ADAMTSL1: variants seen among roughly 807,000 people sequenced by gnomAD.
ADAMTSL1 encodes ADAMTS-like protein 1.
In ADAMTSL1, 126 loss-of-function variants were observed where a neutral mutation model predicts 201.8. The ratio of observed to expected loss-of-function variants is 0.62; its 90% confidence interval spans 0.54 to 0.72. The LOEUF (loss-of-function observed/expected upper bound fraction) is 0.72. Ranked by LOEUF, ADAMTSL1 falls within the 30% of genes least tolerant of loss-of-function variation. The probability of loss-of-function intolerance (pLI) is 0.00; values close to 1 mark genes in which losing one functional copy is unlikely to be tolerated. For missense variants in ADAMTSL1, 2,679 were observed against 2,277.8 expected, an observed-to-expected ratio of 1.18 and a Z score of -3.59; for synonymous variants, 1,121 against 903.4, an observed-to-expected ratio of 1.24 and a Z score of -4.32.
At chr9:18,512,578 A>T (rs891831003) in intron 2 of ADAMTSL1, among the ~76,000 whole-genome samples, 2 of 152,150 alleles carry the variant, frequency 1.3e-5, no homozygotes, top group Admixed American at 6.5e-5. Context: ...ATAATTAAGG[A>T]TAGAAATCCC....
At chr9:17,907,869 C>T (rs1825785096) in intron 1 of ADAMTSL1, among the ~76,000 whole-genome samples, 1 of 152,102 alleles carries the variant, frequency 6.6e-6, no homozygotes, top group Non-Finnish European at 1.5e-5. Context: ...CATAGATTTG[C>T]CTTTCACAGG....
chr9:18,649,542 A>C (rs377431843), intron 7 of ADAMTSL1, among the ~76,000 whole-genome samples: 23 of 149,458 alleles, frequency 1.5e-4, no homozygotes, highest in Non-Finnish European at 2.7e-4. Flanking sequence ...GTCTTTGATG[A>C]TGGTGATGTA....
intron 1 of ADAMTSL1, among the ~76,000 whole-genome samples, chr9:17,947,659 A>C (rs1827561395): frequency 6.6e-6 from 1 of 152,142 alleles, no homozygotes; most frequent in Admixed American, 6.6e-5. Flanking sequence ...ATGAGCAAGC[A>C]AATGATTATT....
chr9:18,304,378 G>A (rs1833826400), intron 2 of ADAMTSL1, among the ~76,000 whole-genome samples: 1 of 152,058 alleles, frequency 6.6e-6, no homozygotes, highest in Non-Finnish European at 1.5e-5. Flanking sequence ...AACCTTGTGA[G>A]CTCCTGGGTG....
intron 2 of ADAMTSL1, among the ~76,000 whole-genome samples, chr9:18,230,222 A>C (rs1336171596): frequency 6.6e-6 from 1 of 152,040 alleles, no homozygotes; most frequent in African/African-American, 2.4e-5. Context: ...TCTGCTTGGC[A>C]CTCATCATAT....
At chr9:17,973,793 A>G in intron 1 of ADAMTSL1, among the ~76,000 whole-genome samples, 1 of 148,752 alleles carries the variant, frequency 6.7e-6, no homozygotes, top group South Asian at 2.2e-4. Context: ...CTTCCTACCA[A>G]TGAGCATGGA....
chr9:18,684,703 A>G lies in ADAMTSL1; in HGVS notation c.1490-13A>G, dbSNP rs1319797457. Reference sequence around the variant, plus strand: ...AACCTCTTCTTTTGTATGTGCATGCACTGAATTCTCAGAGAAACTTCCAGT... The same window carrying G: ...AACCTCTTCTTTTGTATGTGCATGCGCTGAATTCTCAGAGAAACTTCCAGT... On this transcript the variant is annotated splice_polypyrimidine_tract_variant and intron_variant, in intron 12 of 28. Coordinates refer to ENST00000380548, the MANE Select transcript of ADAMTSL1 (RefSeq NM_001040272.6). The G allele has an allele frequency of 6.2e-7, 1 of 1,611,622 alleles. No individual in the cohort carries two copies. Among genetic ancestry groups the G allele is most frequent in the East Asian group, 2.2e-5 (1 of 44,876 alleles).
intron 3 of ADAMTSL1, among the ~76,000 whole-genome samples, chr9:18,545,073 A>C (rs111378158): frequency 6.6e-6 from 1 of 152,188 alleles, no homozygotes; most frequent in East Asian, 1.9e-4. Context: ...GACTGATTAC[A>C]TACCTCAGAG....
chr9:18,287,945 AT>A (rs1833084919), intron 2 of ADAMTSL1, among the ~76,000 whole-genome samples: 1 of 152,192 alleles, frequency 6.6e-6, no homozygotes, highest in Non-Finnish European at 1.5e-5. Context: ...GCAAATTAAA[AT>A]GTACAGAACT....
chr9:18,091,215 G>GAA (rs1299242094), intron 1 of ADAMTSL1, among the ~76,000 whole-genome samples: 2 of 151,860 alleles, frequency 1.3e-5, no homozygotes, highest in Non-Finnish European at 2.9e-5. Context: ...TTCACTTTAA[G>GAA]CCAAGTTCCT....
At chr9:18,828,412 T>C (rs1187464002) in intron 22 of ADAMTSL1, among the ~76,000 whole-genome samples, 1 of 151,760 alleles carries the variant, frequency 6.6e-6, no homozygotes, top group Non-Finnish European at 1.5e-5. Context: ...CAAGAGGAAG[T>C]ATTGAGGAGG....
chr9:18,344,875 C>T (rs1002399481), intron 2 of ADAMTSL1, among the ~76,000 whole-genome samples: 5 of 152,128 alleles, frequency 3.3e-5, no homozygotes, highest in African/African-American at 1.2e-4. Context: ...GAAGGAAGCC[C>T]AGCAGGGGAC....
intron 2 of ADAMTSL1, among the ~76,000 whole-genome samples, chr9:18,176,384 A>G (rs1191374054): frequency 6.6e-6 from 1 of 152,192 alleles, no homozygotes; most frequent in Non-Finnish European, 1.5e-5. Flanking sequence ...TATTGATGCT[A>G]TAGTGATAAT....
chr9:17,935,743 T>G (rs1047774711), intron 1 of ADAMTSL1, among the ~76,000 whole-genome samples: 4 of 152,184 alleles, frequency 2.6e-5, no homozygotes, highest in African/African-American at 7.2e-5. Flanking sequence ...AGATGGACCA[T>G]CTTGATTCAA....
At chr9:17,925,957 G>A (rs1236504051) in intron 1 of ADAMTSL1, among the ~76,000 whole-genome samples, 1 of 152,028 alleles carries the variant, frequency 6.6e-6, no homozygotes, top group Admixed American at 6.6e-5. Flanking sequence ...GCGCAATGTA[G>A]CAATTGTTGC....
At chr9:17,919,790 C>T (rs1826235825) in intron 1 of ADAMTSL1, among the ~76,000 whole-genome samples, 1 of 151,980 alleles carries the variant, frequency 6.6e-6, no homozygotes, top group African/African-American at 2.4e-5. Flanking sequence ...CATTTATGTA[C>T]AAGTTTTTGG....
At chr9:18,192,399 T>G (rs1290300592) in intron 2 of ADAMTSL1, among the ~76,000 whole-genome samples, 1 of 152,172 alleles carries the variant, frequency 6.6e-6, no homozygotes, top group African/African-American at 2.4e-5. Flanking sequence ...CTCTCTAGAT[T>G]ATGATTATAA....
intron 4 of ADAMTSL1, among the ~76,000 whole-genome samples, chr9:18,591,342 C>T (rs948757054): frequency 4.5e-4 from 69 of 152,114 alleles, no homozygotes; most frequent in Non-Finnish European, 7.9e-4. Context: ...GCTACTTCTG[C>T]TCTTTTTTGG....
intron 23 of ADAMTSL1, among the ~76,000 whole-genome samples, chr9:18,873,361 A>T (rs1827972227): frequency 6.6e-6 from 1 of 152,122 alleles, no homozygotes; most frequent in Admixed American, 6.5e-5. Context: ...CTTGGTCATG[A>T]AGTCTTTGCT....
Sources: gnomAD v4.1 joint callset for allele counts (sites outside exome capture counted in the v4.1 genomes callset) on GRCh38, gnomAD v4.1.1 for gene constraint, MANE v1.5 for transcripts, NCBI Gene and HGNC (gene_info 2026-07-23, HGNC 2026-07-21) for gene names.